The following NSD3 variants were observed in gnomAD, a reference collection of about 807,000 sequenced individuals.
NSD3 encodes the protein nuclear receptor binding SET domain protein 3.
In NSD3, 24 loss-of-function variants were observed where a neutral mutation model predicts 160.8. The ratio of observed to expected loss-of-function variants is 0.15; its 90% CI spans 0.11 to 0.21. NSD3 has a LOEUF of 0.21. Among genes scored for constraint, NSD3 ranks in the 10% least tolerant of loss-of-function variants. The pLI is 1.00. For synonymous variants in NSD3, 520 were observed against 600.0 expected, an observed-to-expected ratio of 0.87 and a Z score of 1.95; for missense variants, 1,157 against 1,735.9, an observed-to-expected ratio of 0.67 and a Z score of 5.93.
chr8:38,279,962 G>C (rs1340541747), intron 20 of NSD3: 2 of 299,146 alleles, frequency 6.7e-6, no homozygotes, highest in Non-Finnish European at 1.2e-5. Context: ...AAGATTAGTG[G>C]GCCAGAGGTT....
rs754768493 is a variant in NSD3 at position 38,276,238 on chromosome 8, G to C, written c.4072+58C>G. 2.6e-6 allele frequency: 4 copies of C among 1,552,144 alleles called. No homozygotes were observed. In the Admixed American group the frequency reaches 5.2e-5, roughly 20 times the overall value. The stretch of plus-strand genomic sequence containing the variant: ...TCCCATGGCATGGAATATATTGTGA[G>C]TTACACATAGTTGGCAAAGACACAA... On this transcript the variant is annotated intron_variant, in intron 23 of 23. Coordinates refer to ENST00000317025, the MANE Select transcript of NSD3 (RefSeq NM_023034.2).
At position 38,271,464 on chromosome 8, in the gene NSD3, A is replaced by C. The variant is rs150209663; in HGVS notation, c.*4177T>G. On this transcript the variant is annotated 3_prime_UTR_variant, in exon 24 of 24. Transcript: ENST00000317025. ...TCTCCTGGTACCCCACCCCAGGTAAAAGTTGGTGAGATTTCAGTATATACA... is the reference window on the plus strand; with the variant it reads ...TCTCCTGGTACCCCACCCCAGGTAACAGTTGGTGAGATTTCAGTATATACA... 6.6e-5 allele frequency: 10 copies of C among 152,152 alleles called. No homozygotes were observed. Among genetic ancestry groups the C allele is most frequent in the African/African-American group, 2.2e-4 (9 of 41,514 alleles). 9.4% of individuals were successfully genotyped at this position (152,152 alleles called of 1,614,324 possible).
chr8:38,361,779 A>AG (rs1810973806), intron 1 of NSD3, among the ~76,000 whole-genome samples: 4 of 150,258 alleles, frequency 2.7e-5, no homozygotes, highest in Admixed American at 2.6e-4. Flanking sequence ...AAAAAAAAAA[A>AG]GACAGAAAGG....
intron 12 of NSD3, among the ~76,000 whole-genome samples, chr8:38,312,911 G>C (rs574349649): frequency 6.6e-6 from 1 of 152,252 alleles, no homozygotes; most frequent in South Asian, 2.1e-4. Flanking sequence ...GCTTAAAGGG[G>C]CCAGGCAGCA....
chr8:38,370,319 A>T (rs978867427), intron 1 of NSD3, among the ~76,000 whole-genome samples: 10 of 152,040 alleles, frequency 6.6e-5, no homozygotes, highest in African/African-American at 1.7e-4. Context: ...TGAATTTTTT[A>T]AAAAAATTTT....
chr8:38,303,292 C>A (rs1218136683), intron 14 of NSD3: 71 of 985,376 alleles, frequency 7.2e-5, no homozygotes, highest in Non-Finnish European at 8.3e-5. Context: ...ATGAGTGACA[C>A]CTTTTTATTT....
At chr8:38,381,356 C>T (rs1232550212) in intron 1 of NSD3, among the ~76,000 whole-genome samples, 1 of 151,998 alleles carries the variant, frequency 6.6e-6, no homozygotes, top group Admixed American at 6.6e-5. Context: ...AAATTTATCC[C>T]CTTCTCCCAG....
intron 16 of NSD3, among the ~76,000 whole-genome samples, chr8:38,293,170 G>T (rs545138166): frequency 1.9e-4 from 29 of 151,590 alleles, no homozygotes; most frequent in Non-Finnish European, 4.0e-4. Context: ...AAAAAGAAGT[G>T]GGGGGAGGTT....
Position 38,316,388 on chromosome 8 carries a change from G to C in NSD3, c.1856-346C>G. On this transcript the variant is annotated intron_variant, in intron 9 of 23. Coordinates refer to ENST00000317025, the MANE Select transcript of NSD3 (RefSeq NM_023034.2). This position sits in a 1 kb window ranked among gnomAD's most constrained non-coding sequence, Gnocchi z 4.5. Reference sequence around the variant, plus strand: ...ATTCAAAGAACCATTCAATTTGGAGGGGGAAGACATAAAACCCAACACACT... The same window carrying C: ...ATTCAAAGAACCATTCAATTTGGAGCGGGAAGACATAAAACCCAACACACT... The C allele has an allele frequency of 9.2e-7, 1 of 1,084,076 alleles. No individual in the cohort carries two copies. The highest frequency in any genetic ancestry group is 1.6e-5 in the African/African-American group (1 of 61,056). The allele number at this position is 1,084,076 out of a possible 1,614,324, so 67.2% of individuals were successfully genotyped here.
intron 7 of NSD3, among the ~76,000 whole-genome samples, chr8:38,325,789 C>T (rs1340598469): frequency 1.3e-5 from 2 of 150,622 alleles, no homozygotes; most frequent in African/African-American, 4.9e-5. Context: ...CCTGGGAGGT[C>T]GAGGCTGCAG....
chr8:38,327,700 A>G (rs1809950053), intron 6 of NSD3, among the ~76,000 whole-genome samples: 1 of 152,184 alleles, frequency 6.6e-6, no homozygotes, highest in South Asian at 2.1e-4. Context: ...TGCATTTGGT[A>G]AAGTGCTCTA....
chr8:38,303,218 T>G, intron 14 of NSD3: 1 of 984,634 alleles, frequency 1.0e-6, no homozygotes, highest in Non-Finnish European at 1.2e-6. Context: ...AACATTCAAC[T>G]GATAATACAA....
intron 1 of NSD3, among the ~76,000 whole-genome samples, chr8:38,376,252 A>G (rs1335480080): frequency 6.6e-6 from 1 of 152,154 alleles, no homozygotes; most frequent in African/African-American, 2.4e-5. Context: ...CTTGGACACA[A>G]TTCATTTTTG....
chr8:38,333,489 T>G (rs1343499387), intron 4 of NSD3, among the ~76,000 whole-genome samples: 1 of 152,246 alleles, frequency 6.6e-6, no homozygotes, highest in Non-Finnish European at 1.5e-5. Context: ...CAAACATCTT[T>G]CAACATGCTC....
chr8:38,377,346 G>T (rs1283586717), intron 1 of NSD3, among the ~76,000 whole-genome samples: 1 of 151,546 alleles, frequency 6.6e-6, no homozygotes, highest in African/African-American at 2.4e-5. Flanking sequence ...GAGCCACCAT[G>T]CCTGGCCTTG....
chr8:38,299,622 C>A, intron 14 of NSD3, 32 bp from the exon 15 acceptor site: 2 of 1,485,934 alleles, frequency 1.3e-6, no homozygotes, highest in Non-Finnish European at 1.8e-6. Flanking sequence ...AGATGAGCTG[C>A]AATGAAACTA....
chr8:38,365,575 C>A (rs1021056297), intron 1 of NSD3, among the ~76,000 whole-genome samples: 5 of 152,100 alleles, frequency 3.3e-5, no homozygotes, highest in African/African-American at 9.7e-5. Context: ...CAGGTTCAAG[C>A]GATTCTCCTG....
intron 1 of NSD3, chr8:38,363,999 C>A (rs966078458): frequency 6.6e-6 from 1 of 151,814 alleles, no homozygotes; most frequent in African/African-American, 2.4e-5. Flanking sequence ...AGGCTAGGCG[C>A]GGTGGCTCAT....
chr8:38,325,404 T>C (rs1809884088), intron 7 of NSD3, among the ~76,000 whole-genome samples: 1 of 152,222 alleles, frequency 6.6e-6, no homozygotes, highest in Non-Finnish European at 1.5e-5. Context: ...AACAAACTCC[T>C]TTCTTCTAAA....
Sources: gnomAD v4.1 joint callset for allele counts (sites outside exome capture counted in the v4.1 genomes callset) on GRCh38, gnomAD v4.1.1 for gene constraint, Gnocchi (gnomAD v3.1) non-coding constraint, MANE v1.5 for transcripts, NCBI Gene and HGNC (gene_info 2026-07-23, HGNC 2026-07-21) for gene names.